The following UBE2D3 variants were observed in gnomAD, a reference collection of about 807,000 sequenced individuals.
The protein encoded by UBE2D3 is ubiquitin-conjugating enzyme E2 D3.
A neutral mutation model predicts 22.8 loss-of-function variants in UBE2D3; 2 were observed. The ratio of observed to expected loss-of-function variants is 0.09; its 90% CI spans 0.04 to 0.28. UBE2D3 has a LOEUF of 0.28. Ranked by LOEUF, UBE2D3 falls within the 10% of genes least tolerant of loss-of-function variation. The probability of loss-of-function intolerance (pLI) is 1.00; values close to 1 mark genes in which losing one functional copy is unlikely to be tolerated. For missense variants in UBE2D3, 27 were observed against 182.5 expected, an observed-to-expected ratio of 0.15 and a Z score of 4.91; for synonymous variants, 56 against 60.4, an observed-to-expected ratio of 0.93 and a Z score of 0.34.
At position 102,859,907 on chromosome 4, in the gene UBE2D3, G is replaced by A. The variant is rs566145297; in HGVS notation, c.-129+8808C>T. ...GTCACCCAGGCTGGAGTGCAGTGGC[G>A]TGATCTCAGCTCACTGCAAGCTCTG... On this transcript the variant is annotated intron_variant, in intron 1 of 7. Transcript: ENST00000338145. 1.5e-3 allele frequency among the ~76,000 whole-genome samples: 221 copies of A among 150,996 alleles called. 3 individuals are homozygous for A. The Middle Eastern group carries it at 0.017, about 12-fold the overall frequency.
At chr4:102,862,283 A>G (rs1732933472) in intron 1 of UBE2D3, among the ~76,000 whole-genome samples, 1 of 152,014 alleles carries the variant, frequency 6.6e-6, no homozygotes, top group Non-Finnish European at 1.5e-5. Flanking sequence ...AAATGTTCTA[A>G]TAAAAAAAGT....
chr4:102,828,141 T>A (rs1578274646), upstream of UBE2D3: 2 of 985,458 alleles, frequency 2.0e-6, no homozygotes, highest in South Asian at 4.7e-5. Flanking sequence ...CGCCCCTGAA[T>A]GCTTATGCCG....
At chr4:102,827,402 C>A in intron 1 of UBE2D3, 25 bp downstream of exon 1, 1 of 986,238 alleles carries the variant, frequency 1.0e-6, no homozygotes, top group South Asian at 4.7e-5. Context: ...CCTTCCCTGC[C>A]CTAGCCGTCC....
chr4:102,811,080 T>C (rs1243699239), intron 2 of UBE2D3: 1 of 152,090 alleles, frequency 6.6e-6, no homozygotes, highest in Non-Finnish European at 1.5e-5. Flanking sequence ...ACTAGGTACG[T>C]GGCTCATGCC....
chr4:102,817,821 C>T (rs1373722209), intron 2 of UBE2D3, among the ~76,000 whole-genome samples: 1 of 152,160 alleles, frequency 6.6e-6, no homozygotes, highest in East Asian at 1.9e-4. Flanking sequence ...AGACTATTTA[C>T]TGGACTGGAA....
intron 2 of UBE2D3, chr4:102,825,128 T>A (rs1730254448): frequency 2.0e-6 from 1 of 500,610 alleles, no homozygotes; most frequent in East Asian, 1.5e-4. Flanking sequence ...CATAATTAAA[T>A]ACAGGCAAAT....
intron 1 of UBE2D3, among the ~76,000 whole-genome samples, chr4:102,836,081 A>G (rs79953182): frequency 0.024 from 3,539 of 148,234 alleles, 122 homozygotes; most frequent in African/African-American, 0.084. Context: ...ATAATATTCC[A>G]TTGTATGTAT....
At chr4:102,861,187 T>C (rs776770506) in intron 1 of UBE2D3, among the ~76,000 whole-genome samples, 5 of 152,022 alleles carry the variant, frequency 3.3e-5, no homozygotes, top group Non-Finnish European at 7.4e-5. Flanking sequence ...CACTGAACTC[T>C]GCTGCCTTGG....
chr4:102,805,472 T>G (rs990397954), intron 4 of UBE2D3, among the ~76,000 whole-genome samples: 3 of 151,918 alleles, frequency 2.0e-5, no homozygotes, highest in Admixed American at 6.6e-5. Flanking sequence ...TCAGCTCTTC[T>G]GTGGCAATAA....
At chr4:102,817,784 C>T (rs918678498) in intron 2 of UBE2D3, among the ~76,000 whole-genome samples, 1 of 152,104 alleles carries the variant, frequency 6.6e-6, no homozygotes, top group Admixed American at 6.5e-5. Flanking sequence ...GTTACATGGC[C>T]TGAGAAAATG....
rs1725144540 is a variant in UBE2D3, at chr4:102,795,155, T to C, written c.*2260A>G. On this transcript the variant is annotated 3_prime_UTR_variant, in exon 8 of 8. Coordinates refer to ENST00000453744, the MANE Select transcript of UBE2D3 (RefSeq NM_181891.3). The stretch of plus-strand genomic sequence containing the variant: ...CTTAGAAGCAACAAATGAAATGATG[T>C]ATAAAGCATCAAGTCAAAGATACAG... The C allele has an allele frequency of 6.6e-6, 1 of 152,082 alleles. No homozygotes were observed. Among genetic ancestry groups the C allele is most frequent in the African/African-American group, 2.4e-5 (1 of 41,446 alleles). 9.4% of individuals were successfully genotyped at this position (152,082 alleles called of 1,614,324 possible). A position where few individuals can be genotyped will look rare whatever the true frequency, so the allele number is the denominator to read the frequency against.
At chr4:102,857,155 C>T (rs1732663135) in intron 1 of UBE2D3, among the ~76,000 whole-genome samples, 1 of 152,126 alleles carries the variant, frequency 6.6e-6, no homozygotes, top group South Asian at 2.1e-4. Flanking sequence ...TAGAGGGTGA[C>T]ATATGGGAAT....
chr4:102,856,568 A>G (rs1339708435), intron 1 of UBE2D3, among the ~76,000 whole-genome samples: 1 of 152,172 alleles, frequency 6.6e-6, no homozygotes, highest in Non-Finnish European at 1.5e-5. Context: ...GTTGATAATT[A>G]AAATATTTAA....
intron 1 of UBE2D3, among the ~76,000 whole-genome samples, chr4:102,846,232 T>C (rs1043920746): frequency 6.6e-6 from 1 of 152,170 alleles, no homozygotes; most frequent in African/African-American, 2.4e-5. Context: ...TCAGAGCTCC[T>C]AGGAAATAGT....
At chr4:102,828,318 G>C (rs952989092), upstream of UBE2D3, 10 of 969,052 alleles carry the variant, frequency 1.0e-5, no homozygotes, top group Admixed American at 2.5e-4. Context: ...GGTGGAGCAG[G>C]TGAGCAGTAT....
chr4:102,808,714 G>A (rs1242721347), intron 4 of UBE2D3, among the ~76,000 whole-genome samples: 2 of 152,102 alleles, frequency 1.3e-5, no homozygotes, highest in African/African-American at 4.8e-5. Flanking sequence ...CTATAAGATC[G>A]ACAGGGATGT....
intron 1 of UBE2D3, among the ~76,000 whole-genome samples, chr4:102,838,974 A>G (rs1251718563): frequency 6.6e-6 from 1 of 152,132 alleles, no homozygotes; most frequent in Non-Finnish European, 1.5e-5. Context: ...GAGTTACTGA[A>G]GCTTCTGGAT....
At chr4:102,834,931 A>T (rs1251354708) in intron 1 of UBE2D3, among the ~76,000 whole-genome samples, 2 of 152,028 alleles carry the variant, frequency 1.3e-5, no homozygotes, top group African/African-American at 4.8e-5. Context: ...GGCATATGCC[A>T]CTAGGCCCAG....
chr4:102,864,607 A>G (rs184656324), intron 1 of UBE2D3, among the ~76,000 whole-genome samples: 2 of 152,344 alleles, frequency 1.3e-5, no homozygotes, highest in Admixed American at 1.3e-4. Context: ...CACTGGTATC[A>G]CCATATCAAA....
Sources: gnomAD v4.1 joint callset for allele counts (sites outside exome capture counted in the v4.1 genomes callset) on GRCh38, gnomAD v4.1.1 for gene constraint, MANE v1.5 for transcripts, NCBI Gene and HGNC (gene_info 2026-07-23, HGNC 2026-07-21) for gene names.